The following LINGO2 variants were observed in gnomAD, a reference collection of about 807,000 sequenced individuals.
LINGO2 encodes leucine-rich repeat and immunoglobulin-like domain-containing nogo receptor-interacting protein 2.
Under a neutral mutation model 30.6 loss-of-function variants are expected in LINGO2, and 14 were observed. The ratio of observed to expected loss-of-function variants is 0.46; its 90% CI spans 0.30 to 0.72. The LOEUF is 0.72. LINGO2 is among the 30% of genes least tolerant of loss of function. The pLI, the probability that LINGO2 is intolerant of heterozygous loss-of-function variation, is 0.07. For missense variants in LINGO2, 729 were observed against 751.7 expected (o/e 0.97, Z 0.35); for synonymous variants, 317 against 288.5 (o/e 1.10, Z -1.00).
chr9:28,814,755 GC>G, the LINGO2 span, among the ~76,000 whole-genome samples: 2 of 152,044 alleles, frequency 1.3e-5, no homozygotes, highest in African/African-American at 4.8e-5. Flanking sequence ...GGGCATGGTG[GC>G]AGGCACCTGT....
the LINGO2 span, among the ~76,000 whole-genome samples, chr9:29,042,124 A>C: frequency 2.6e-5 from 4 of 152,026 alleles, no homozygotes; most frequent in African/African-American, 9.7e-5. Context: ...GAATGACTAA[A>C]ATAAGAAAAA....
At chr9:28,270,683 T>C (rs1822908382) in intron 4 of LINGO2, among the ~76,000 whole-genome samples, 1 of 152,160 alleles carries the variant, frequency 6.6e-6, no homozygotes, top group African/African-American at 2.4e-5. Context: ...CTCTGCCAAC[T>C]AGTTCTTCCT....
upstream of LINGO2, among the ~76,000 whole-genome samples, chr9:28,672,922 T>C (rs1829077647): frequency 6.6e-6 from 1 of 152,082 alleles, no homozygotes; most frequent in African/African-American, 2.4e-5. Flanking sequence ...TTGAGGGATG[T>C]GAAAAATAAG....
intron 5 of LINGO2, among the ~76,000 whole-genome samples, chr9:28,004,627 G>T (rs979242300): frequency 4.6e-5 from 7 of 151,868 alleles, no homozygotes; most frequent in Non-Finnish European, 1.0e-4. Flanking sequence ...GTGATAAGTA[G>T]TTTTTTTTCC....
chr9:28,433,939 C>CTATATATATA (rs1823792152), intron 2 of LINGO2, among the ~76,000 whole-genome samples: 1 of 50,002 alleles, frequency 2.0e-5, no homozygotes, highest in African/African-American at 5.6e-5. Flanking sequence ...CTCTCTCTCT[C>CTATATATATA]TCTCTCTCTC....
intron 1 of LINGO2, among the ~76,000 whole-genome samples, chr9:28,482,896 A>C (rs1826033124): frequency 6.6e-6 from 1 of 152,090 alleles, no homozygotes; most frequent in Admixed American, 6.6e-5. Flanking sequence ...AAAACCCTAG[A>C]AGAAAACCTA....
chr9:29,212,157 G>T, the LINGO2 span, among the ~76,000 whole-genome samples: 2 of 152,148 alleles, frequency 1.3e-5, no homozygotes, highest in African/African-American at 4.8e-5. Context: ...TCAAGGCACA[G>T]CTTTCCAGAG....
At chr9:28,798,991 G>GA in the LINGO2 span, among the ~76,000 whole-genome samples, 2 of 152,216 alleles carry the variant, frequency 1.3e-5, no homozygotes, top group South Asian at 4.1e-4. Context: ...AGGAGGAACA[G>GA]AAAAAATTGA....
the LINGO2 span, among the ~76,000 whole-genome samples, chr9:29,053,715 T>C: frequency 1.3e-5 from 2 of 152,196 alleles, no homozygotes; most frequent in South Asian, 4.1e-4. Context: ...AATGTTGTGG[T>C]AAAACTTGGT....
intron 4 of LINGO2, among the ~76,000 whole-genome samples, chr9:28,035,835 TCTAG>T (rs1823904301): frequency 6.6e-6 from 1 of 152,090 alleles, no homozygotes; most frequent in Non-Finnish European, 1.5e-5. Context: ...TTGTAAATCC[TCTAG>T]CTATGAATTG....
At chr9:28,368,885 C>T (rs1269351141) in intron 3 of LINGO2, among the ~76,000 whole-genome samples, 3 of 152,134 alleles carry the variant, frequency 2.0e-5, no homozygotes, top group Admixed American at 6.5e-5. Flanking sequence ...CGTGAGCCAC[C>T]GTGCCCAGCC....
the LINGO2 span, among the ~76,000 whole-genome samples, chr9:28,865,917 G>C: frequency 2.6e-5 from 4 of 152,094 alleles, no homozygotes; most frequent in East Asian, 7.7e-4. Flanking sequence ...AATAATCCAG[G>C]GTGTGTTTTT....
chr9:28,480,760 AT>A (rs968236847), intron 1 of LINGO2, among the ~76,000 whole-genome samples: 2 of 151,716 alleles, frequency 1.3e-5, no homozygotes, highest in African/African-American at 4.8e-5. Context: ...TTTACTTTCA[AT>A]TTTTTTTGTT....
At chr9:28,236,685 C>T (rs1030395752) in intron 4 of LINGO2, among the ~76,000 whole-genome samples, 7 of 151,956 alleles carry the variant, frequency 4.6e-5, no homozygotes, top group African/African-American at 1.7e-4. Context: ...AAAATCAAAA[C>T]AATTGAAACC....
intron 5 of LINGO2, among the ~76,000 whole-genome samples, chr9:27,989,967 G>T (rs966111943): frequency 2.0e-5 from 3 of 152,058 alleles, no homozygotes; most frequent in Admixed American, 1.3e-4. Flanking sequence ...GAGGAGGAAT[G>T]AGAAGTGGTT....
At chr9:28,700,916 CT>C in the LINGO2 span, among the ~76,000 whole-genome samples, 1 of 152,010 alleles carries the variant, frequency 6.6e-6, no homozygotes, top group Non-Finnish European at 1.5e-5. Context: ...TGTGAAGCAT[CT>C]TCTCATATTC....
chr9:28,678,609 A>G, the LINGO2 span, among the ~76,000 whole-genome samples: 1 of 152,152 alleles, frequency 6.6e-6, no homozygotes, highest in African/African-American at 2.4e-5. Flanking sequence ...TATCTAGAAA[A>G]TCAGATACAA....
At chr9:29,122,807 A>G in the LINGO2 span, among the ~76,000 whole-genome samples, 1 of 152,098 alleles carries the variant, frequency 6.6e-6, no homozygotes, top group Non-Finnish European at 1.5e-5. Flanking sequence ...CACGTTCAAC[A>G]CAGTACAAAT....
At chr9:28,011,049 T>C (rs548572728) in intron 5 of LINGO2, among the ~76,000 whole-genome samples, 1 of 152,234 alleles carries the variant, frequency 6.6e-6, no homozygotes, top group East Asian at 1.9e-4. Context: ...TTAGGTACAA[T>C]AACATATGGA....
Sources: gnomAD v4.1 joint callset for allele counts (sites outside exome capture counted in the v4.1 genomes callset) on GRCh38, gnomAD v4.1.1 for gene constraint, MANE v1.5 for transcripts, NCBI Gene and HGNC (gene_info 2026-07-23, HGNC 2026-07-21) for gene names.